The following ZNF239 variants were observed in gnomAD, a reference collection of about 807,000 sequenced individuals.
ZNF239 encodes zinc finger protein (C2H2) homologous to mouse MOK-2.
In ZNF239, 16 loss-of-function variants were observed where a neutral mutation model predicts 27.5. The observed-to-expected ratio is 0.58, with a 90% CI of 0.39 to 0.88. ZNF239 has a LOEUF of 0.88. Among genes scored for constraint, ZNF239 ranks in the 40% least tolerant of loss-of-function variants. The pLI is 0.00. For synonymous variants in ZNF239, 199 were observed against 192.6 expected, an observed-to-expected ratio of 1.03 and a Z score of -0.27; for missense variants, 527 against 551.9, an observed-to-expected ratio of 0.95 and a Z score of 0.45.
intron 3 of ZNF239, among the ~76,000 whole-genome samples, chr10:43,558,802 G>A (rs983065806): frequency 2.0e-5 from 3 of 152,156 alleles, no homozygotes; most frequent in Admixed American, 2.0e-4. Flanking sequence ...TCATAGGTGT[G>A]GGGAATACAA....
intron 3 of ZNF239, among the ~76,000 whole-genome samples, chr10:43,559,293 A>G (rs771481861): frequency 2.6e-4 from 40 of 152,346 alleles, no homozygotes; most frequent in Non-Finnish European, 4.4e-4. Flanking sequence ...ACACCACTGG[A>G]AAGCAAGACT....
rs1455028682 is a variant in ZNF239 at position 43,556,723 on chromosome 10, G to A, written c.1357C>T (p.His453Tyr). 1.9e-6 allele frequency: 3 copies of A among 1,613,404 alleles called. No individual in the cohort carries two copies. Among genetic ancestry groups the A allele is most frequent in the Non-Finnish European group, 2.5e-6 (3 of 1,179,646 alleles). The change falls in exon 4 of 4, where the codon CAC (histidine) becomes TAC (tyrosine). Residue 453 changes from histidine to tyrosine, a missense_variant. Transcript: ENST00000374446. ...GTCAGTTAGCGAGGATCTTTCTTGT[G>A]AACCCGCTGGTGGATGTGAAGGTTG... ...SSNLHIHQRV[H>Y]KKDPR
rs753407384 is a variant in ZNF239 at position 43,557,913 on chromosome 10, T to G, written c.167A>C (p.Glu56Ala). ...CAAATATGTTTCACTTTCAATGTTT[T>G]CGAAACAACCACTTTGAAGAGTCAT... Reference protein sequence around the residue: ...SVMTLQSGCFENIESETYLPL... With the variant: ...SVMTLQSGCFANIESETYLPL... The change falls in exon 4 of 4, where the codon GAA becomes GCA. Residue 56 changes from glutamate to alanine, a missense_variant. By Grantham distance (107) the Glu-to-Ala change is moderately radical (BLOSUM62 -1). Transcript: ENST00000374446. The G allele has an allele frequency of 6.2e-7, 1 of 1,614,226 alleles. No individual in the cohort carries two copies. Among genetic ancestry groups the G allele is most frequent in the Non-Finnish European group, 8.5e-7 (1 of 1,180,042 alleles).
At chr10:43,559,419 G>A (rs531233371) in intron 3 of ZNF239, among the ~76,000 whole-genome samples, 2 of 152,314 alleles carry the variant, frequency 1.3e-5, no homozygotes, top group Non-Finnish European at 1.5e-5. Context: ...AAACCTAGAA[G>A]AGAAAGGAGG....
intron 3 of ZNF239, among the ~76,000 whole-genome samples, chr10:43,565,672 G>A (rs61859162): frequency 1.8e-4 from 28 of 151,718 alleles, no homozygotes; most frequent in African/African-American, 4.8e-4. Context: ...AACATTAGCC[G>A]GGCATGGTGG....
At chr10:43,573,531 T>C (rs1027977969) in intron 2 of ZNF239, 106 bp downstream of exon 2, 4 of 695,926 alleles carry the variant, frequency 5.7e-6, no homozygotes, top group Non-Finnish European at 5.3e-6. Context: ...CCTACATCCA[T>C]AGCTATAAAA....
intron 3 of ZNF239, among the ~76,000 whole-genome samples, chr10:43,558,525 T>C (rs1836980484): frequency 6.6e-6 from 1 of 152,174 alleles, no homozygotes; most frequent in African/African-American, 2.4e-5. Flanking sequence ...CTGGTCTCAC[T>C]GTAGCCTCCA....
Position 43,557,825 on chromosome 10 carries a change from C to T in ZNF239, c.255G>A (p.Glu85=), listed in dbSNP as rs533588344. 6.2e-7 allele frequency: 1 copy of T among 1,614,220 alleles called. No individual in the cohort carries two copies. The highest frequency in any genetic ancestry group is 2.2e-5 in the East Asian group (1 of 44,882). ...QDSSVKFCKN[E]PQDHQESRRL... is the part of the protein sequence containing the mutation. ...GTCTGCTTTCCTGATGATCCTGAGG[C>T]TCATTCTTACAGAACTTCACTGAAG... The change falls in exon 4 of 4, where the codon GAG becomes GAA. Residue 85 remains glutamate, a synonymous_variant. Transcript: ENST00000374446.
intron 3 of ZNF239, among the ~76,000 whole-genome samples, chr10:43,558,407 T>A (rs1836965493): frequency 6.6e-6 from 1 of 152,184 alleles, no homozygotes; most frequent in Non-Finnish European, 1.5e-5. Context: ...TAGAAGGCTG[T>A]AAGTCCTATA....
intron 1 of ZNF239, 68 bp downstream of exon 1, chr10:43,574,472 C>G (rs1588825710): frequency 6.6e-6 from 1 of 152,278 alleles, no homozygotes; most frequent in Non-Finnish European, 1.5e-5. Context: ...GCGCCTTACC[C>G]GCGGCACACC....
At chr10:43,568,831 C>G (rs922034900) in intron 2 of ZNF239, among the ~76,000 whole-genome samples, 4 of 152,140 alleles carry the variant, frequency 2.6e-5, no homozygotes, top group African/African-American at 9.7e-5. Flanking sequence ...GGGCGGATCA[C>G]TTGAGGTCAG....
intron 3 of ZNF239, among the ~76,000 whole-genome samples, chr10:43,565,836 A>G (rs941136080): frequency 3.9e-4 from 58 of 150,170 alleles, no homozygotes; most frequent in African/African-American, 1.4e-3. Context: ...AAAAAAAAAA[A>G]AAAAAAAAAG....
rs1005324569 is a variant in ZNF239 at position 43,558,235 on chromosome 10, G to A, written c.-92-64C>T. ...TAGACTTCAAGATTTCAGAGTGAGAGTGCCTAAGGCCTGAAGTCTTAGTAA... is the reference window on the plus strand; with the variant it reads ...TAGACTTCAAGATTTCAGAGTGAGAATGCCTAAGGCCTGAAGTCTTAGTAA... On this transcript the variant is annotated intron_variant, in intron 3 of 3. Transcript: ENST00000374446. The A allele has an allele frequency of 5.7e-6, 8 of 1,407,764 alleles. No homozygotes were observed. The Admixed American group carries it at 1.1e-4, about 20-fold the overall frequency. The allele number at this position is 1,407,764 out of a possible 1,614,324, so 87.2% of individuals were successfully genotyped here.
At position 43,557,502 on chromosome 10, in the gene ZNF239, T is replaced by C. The variant is rs1358571537; in HGVS notation, c.578A>G (p.Asp193Gly). The C allele has an allele frequency of 6.2e-7, 1 of 1,614,222 alleles. No homozygotes were observed. Among genetic ancestry groups the C allele is most frequent in the Admixed American group, 1.7e-5 (1 of 60,022 alleles). ...NCGKILNTSP[D>G]GHPYEKIHTA... ...GTGGATTTTCTCATATGGATGACCATCTGGGCTGGTGTTAAGTATTTTCCC... is the reference window on the plus strand; with the variant it reads ...GTGGATTTTCTCATATGGATGACCACCTGGGCTGGTGTTAAGTATTTTCCC... The change falls in exon 4 of 4, where the codon GAT becomes GGT. Residue 193 changes from aspartate to glycine, a missense_variant. Coordinates refer to ENST00000374446, the MANE Select transcript of ZNF239 (RefSeq NM_001099282.2).
At chr10:43,573,581 G>A in intron 2 of ZNF239, 56 bp downstream of exon 2, 1 of 979,076 alleles carries the variant, frequency 1.0e-6, no homozygotes, top group Non-Finnish European at 1.2e-6. Context: ...AACAACACAT[G>A]GCACAGGGAC....
Position 43,556,853 on chromosome 10 carries a change from C to A in ZNF239, c.1227G>T (p.Gly409=). ...GEKPYHCGKC[G]KGFSQSSKLL... ...GTTTGGAACTCTGGCTAAATCCCTT[C>A]CCACACTTGCCACAGTGATAGGGCT... is the stretch of plus-strand genomic sequence containing the variant. Residue 409 remains glycine (G), a synonymous_variant, in exon 4 of 4, where the codon GGG becomes GGT. Transcript: ENST00000374446. 6.2e-7 allele frequency: 1 copy of A among 1,613,872 alleles called. No homozygotes were observed. Among genetic ancestry groups the A allele is most frequent in the East Asian group, 2.2e-5 (1 of 44,850 alleles).
At chr10:43,563,565 TTGAG>T (rs768135632) in intron 3 of ZNF239, among the ~76,000 whole-genome samples, 10 of 152,188 alleles carry the variant, frequency 6.6e-5, no homozygotes, top group Non-Finnish European at 1.3e-4. Flanking sequence ...ACTGTGTTGT[TTGAG>T]TTTTTGAGAC....
chr10:43,565,176 C>T (rs1046768491), intron 3 of ZNF239, among the ~76,000 whole-genome samples: 12 of 152,140 alleles, frequency 7.9e-5, no homozygotes, highest in South Asian at 2.1e-4. Flanking sequence ...CTCCACCTTC[C>T]GGGTTTAAGC....
At chr10:43,572,336 G>C (rs185897545) in intron 2 of ZNF239, among the ~76,000 whole-genome samples, 21 of 152,322 alleles carry the variant, frequency 1.4e-4, no homozygotes, top group Non-Finnish European at 1.5e-4. Flanking sequence ...TCAGGGCACA[G>C]AGAAGCCATG....
Sources: allele counts gnomAD v4.1 joint callset (sites outside exome capture counted in the v4.1 genomes callset), GRCh38; gene constraint gnomAD v4.1.1; transcripts MANE v1.5; gene names NCBI Gene and HGNC (gene_info 2026-07-23, HGNC 2026-07-21).